MYO16: variants seen among roughly 807,000 people sequenced by gnomAD.
MYO16 encodes myosin XVI.
In MYO16, 94 loss-of-function variants were observed where a neutral mutation model predicts 205.3. That is an observed-to-expected ratio of 0.46 (90% CI 0.39 to 0.54). The LOEUF is 0.54. Ranked by LOEUF, MYO16 falls within the 20% of genes least tolerant of loss-of-function variation. The probability of loss-of-function intolerance (pLI) is 0.00; values close to 1 mark genes in which losing one functional copy is unlikely to be tolerated. For missense variants in MYO16, 2,315 were observed against 2,387.5 expected, an observed-to-expected ratio of 0.97 and a Z score of 0.63; for synonymous variants, 988 against 954.0, an observed-to-expected ratio of 1.04 and a Z score of -0.66.
chr13:108,529,026 C>T, the MYO16 span, among the ~76,000 whole-genome samples: 1 of 151,994 alleles, frequency 6.6e-6, no homozygotes, highest in East Asian at 2.0e-4. Context: ...CTTTACATTT[C>T]CAAATCTTTC....
intron 1 of MYO16, among the ~76,000 whole-genome samples, chr13:108,645,321 T>G (rs1376376768): frequency 6.6e-6 from 1 of 152,204 alleles, no homozygotes; most frequent in African/African-American, 2.4e-5. Context: ...GTCATAAATG[T>G]TCTTTAATGA....
At chr13:108,644,792 C>T (rs557247083) in intron 1 of MYO16, among the ~76,000 whole-genome samples, 1 of 152,112 alleles carries the variant, frequency 6.6e-6, no homozygotes, top group Non-Finnish European at 1.5e-5. Context: ...GTGTTCAACC[C>T]TCACACCCAT....
chr13:108,806,996 G>C (rs142107309), intron 7 of MYO16, among the ~76,000 whole-genome samples, 192 bp downstream of exon 7: 2 of 152,154 alleles, frequency 1.3e-5, no homozygotes, highest in Non-Finnish European at 2.9e-5. Flanking sequence ...TGTTCCTTAT[G>C]TATCTGAATA....
chr13:108,834,646 T>C (rs1366283181), intron 9 of MYO16, among the ~76,000 whole-genome samples: 1 of 82,858 alleles, frequency 1.2e-5, no homozygotes, highest in Non-Finnish European at 3.0e-5. Flanking sequence ...GTACTCTCTC[T>C]CTCTCTCTCT....
intron 34 of MYO16, among the ~76,000 whole-genome samples, chr13:109,185,731 T>G (rs1879660033): frequency 6.6e-6 from 1 of 152,220 alleles, no homozygotes; most frequent in African/African-American, 2.4e-5. Context: ...GCTCTCAATC[T>G]CATCCCTGCC....
the MYO16 span, among the ~76,000 whole-genome samples, chr13:108,583,458 G>A: frequency 4.6e-5 from 7 of 152,246 alleles, no homozygotes; most frequent in Non-Finnish European, 8.8e-5. Flanking sequence ...TGCTAACATG[G>A]AGTATTTTAG....
intron 1 of MYO16, among the ~76,000 whole-genome samples, chr13:108,659,072 T>C (rs183063186): frequency 3.3e-5 from 5 of 151,390 alleles, no homozygotes; most frequent in African/African-American, 9.7e-5. Flanking sequence ...TTTTTTTTTT[T>C]AGTTCATTTT....
At chr13:108,847,437 C>G (rs1877580180) in intron 10 of MYO16, among the ~76,000 whole-genome samples, 1 of 152,262 alleles carries the variant, frequency 6.6e-6, no homozygotes, top group South Asian at 2.1e-4. Context: ...TGGTTCTCTC[C>G]AGGGAAGAGC....
intron 34 of MYO16, among the ~76,000 whole-genome samples, chr13:109,184,515 AAG>A (rs1879594506): frequency 1.3e-5 from 2 of 152,224 alleles, no homozygotes; most frequent in African/African-American, 4.8e-5. Context: ...TTTTCTGATT[AAG>A]ACACTATTTA....
rs111808769 is a variant in MYO16 at position 108,793,143 on chromosome 13, G to A, written c.617-373G>A. 6.4e-3 allele frequency among the ~76,000 whole-genome samples: 970 copies of A among 152,026 alleles called. 7 individuals carry two copies. The highest frequency in any genetic ancestry group is 0.022 in the African/African-American group (910 of 41,488). On this transcript the variant is annotated intron_variant, in intron 5 of 34. Coordinates refer to ENST00000457511, the MANE Select transcript of MYO16 (RefSeq NM_001198950.3). ...CTAAAAATACAAAAAAAAATTAGCC[G>A]GGCGCAGTGGCGGGCGCCTGTAGTC...
chr13:109,083,660 C>A (rs1343450896), intron 27 of MYO16, among the ~76,000 whole-genome samples: 1 of 152,156 alleles, frequency 6.6e-6, no homozygotes. Flanking sequence ...ATACTTAATG[C>A]TGGCTGGATA....
chr13:108,864,616 C>G (rs566043630), intron 11 of MYO16, among the ~76,000 whole-genome samples: 1 of 152,194 alleles, frequency 6.6e-6, no homozygotes, highest in East Asian at 1.9e-4. Context: ...GCAGCCTCAA[C>G]CTTCCAGGAT....
chr13:108,644,599 C>G (rs1566525080), intron 1 of MYO16, among the ~76,000 whole-genome samples: 1 of 152,176 alleles, frequency 6.6e-6, no homozygotes, highest in Admixed American at 6.5e-5. Context: ...TTAATGAACT[C>G]AAGCTCCAAA....
At chr13:109,143,189 T>C (rs1877181851) in intron 32 of MYO16, among the ~76,000 whole-genome samples, 1 of 152,150 alleles carries the variant, frequency 6.6e-6, no homozygotes, top group African/African-American at 2.4e-5. Flanking sequence ...CATAAATGTG[T>C]AAGCATTCAT....
chr13:108,848,247 C>G (rs1420657085), intron 10 of MYO16, among the ~76,000 whole-genome samples: 1 of 152,182 alleles, frequency 6.6e-6, no homozygotes, highest in Non-Finnish European at 1.5e-5. Context: ...CTACTCCCTG[C>G]CCGGATCTGT....
intron 4 of MYO16, among the ~76,000 whole-genome samples, chr13:108,771,005 G>A (rs1413975941): frequency 6.6e-6 from 1 of 152,174 alleles, no homozygotes; most frequent in East Asian, 1.9e-4. Context: ...GTATCACAAT[G>A]CAATTCCCTG....
At chr13:108,748,962 T>C (rs1379964041) in intron 4 of MYO16, among the ~76,000 whole-genome samples, 1 of 152,156 alleles carries the variant, frequency 6.6e-6, no homozygotes, top group Non-Finnish European at 1.5e-5. Flanking sequence ...AGCCCATGAA[T>C]GAAAAATTGA....
intron 32 of MYO16, among the ~76,000 whole-genome samples, chr13:109,147,289 T>C (rs1191593162): frequency 6.6e-6 from 1 of 152,236 alleles, no homozygotes; most frequent in Non-Finnish European, 1.5e-5. Flanking sequence ...CAGATGTTTC[T>C]ATGCCAAATC....
At chr13:108,746,815 A>G (rs995915650) in intron 4 of MYO16, among the ~76,000 whole-genome samples, 1 of 151,914 alleles carries the variant, frequency 6.6e-6, no homozygotes, top group Non-Finnish European at 1.5e-5. Context: ...AACATAAAAA[A>G]CAAACGATGA....
Sources: allele counts gnomAD v4.1 joint callset (sites outside exome capture counted in the v4.1 genomes callset), GRCh38; gene constraint gnomAD v4.1.1; transcripts MANE v1.5; gene names NCBI Gene and HGNC (gene_info 2026-07-23, HGNC 2026-07-21).